ZNF407: variants seen among roughly 807,000 people sequenced by gnomAD.
ZNF407 encodes the protein zinc finger protein 407.
ZNF407 carries 17 observed loss-of-function variants against 131.2 expected under a neutral mutation model. The observed-to-expected ratio is 0.13, with a 90% CI of 0.09 to 0.19. ZNF407 has a LOEUF of 0.19. Ranked by LOEUF, ZNF407 falls within the 10% of genes least tolerant of loss-of-function variation. The pLI is 1.00. For missense variants in ZNF407, 2,681 were observed against 2,830.6 expected, an observed-to-expected ratio of 0.95 and a Z score of 1.20; for synonymous variants, 1,156 against 1,062.0, an observed-to-expected ratio of 1.09 and a Z score of -1.72.
intron 8 of ZNF407, among the ~76,000 whole-genome samples, chr18:74,950,735 A>G (rs968894478): frequency 1.3e-5 from 2 of 152,224 alleles, no homozygotes; most frequent in African/African-American, 4.8e-5. Context: ...TTTGGAATTA[A>G]GTTCTCTCTA....
chr18:74,802,582 A>C (rs954621526), intron 4 of ZNF407, among the ~76,000 whole-genome samples: 3 of 152,158 alleles, frequency 2.0e-5, no homozygotes, highest in Admixed American at 2.0e-4. Context: ...AGAAATTTCT[A>C]ATTTGCTTTG....
chr18:75,050,012 G>A (rs1048704783), intron 8 of ZNF407, among the ~76,000 whole-genome samples: 6 of 152,030 alleles, frequency 3.9e-5, no homozygotes, highest in Admixed American at 1.3e-4. Context: ...TTTTACTACC[G>A]ACTGCAGGAC....
intron 5 of ZNF407, 76 bp from the exon 6 acceptor site, chr18:74,880,960 A>T: frequency 8.1e-7 from 1 of 1,237,186 alleles, no homozygotes; most frequent in Non-Finnish European, 1.2e-6. Context: ...GGAATTAGTA[A>T]CCCTGAAAGC....
chr18:74,786,612 G>A (rs1969717502), intron 4 of ZNF407, among the ~76,000 whole-genome samples: 1 of 151,688 alleles, frequency 6.6e-6, no homozygotes, highest in South Asian at 2.1e-4. Flanking sequence ...TTCCATTCTG[G>A]GTTGCTTATT....
intron 3 of ZNF407, among the ~76,000 whole-genome samples, chr18:74,678,366 C>G (rs1023597051): frequency 3.3e-5 from 5 of 152,154 alleles, no homozygotes; most frequent in African/African-American, 1.2e-4. Context: ...GGGTTTCAAC[C>G]TAATGTACAT....
At chr18:74,599,735 A>G (rs970035225) in intron 1 of ZNF407, among the ~76,000 whole-genome samples, 14 of 152,108 alleles carry the variant, frequency 9.2e-5, no homozygotes, top group African/African-American at 3.4e-4. Flanking sequence ...AGAACTCGCT[A>G]ATCTTAATAA....
chr18:74,873,645 A>G (rs1971117410), intron 4 of ZNF407, among the ~76,000 whole-genome samples: 1 of 151,978 alleles, frequency 6.6e-6, no homozygotes, highest in South Asian at 2.1e-4. Context: ...GGAGGTCCTG[A>G]GGCTGCAGTG....
intron 3 of ZNF407, among the ~76,000 whole-genome samples, chr18:74,747,134 T>C (rs1305866484): frequency 7.3e-6 from 1 of 137,296 alleles, no homozygotes; most frequent in Non-Finnish European, 1.6e-5. Flanking sequence ...ATATTTTTCT[T>C]GCTCACATTC....
chr18:74,598,178 C>G (rs2144594011), intron 1 of ZNF407: 1 of 152,376 alleles, frequency 6.6e-6, no homozygotes, highest in Admixed American at 6.5e-5. Flanking sequence ...TTCGCTCACG[C>G]TGCCTCGCCG....
rs181564969 is a variant in ZNF407 at position 74,676,623 on chromosome 18, A to G, written c.4802+35501A>G. Among the ~76,000 whole-genome samples, 696 of 151,650 alleles carry G rather than the reference A, an allele frequency of 4.6e-3. 13 individuals carry two copies. The highest frequency in any genetic ancestry group is 0.017 in the East Asian group (88 of 5,098). ...GGGTAATTTTGTATTTTTAGTAGAG[A>G]CGGGGTTTCACCGTGTTAGCCAGGA... On this transcript the variant is annotated intron_variant, in intron 3 of 8. Transcript: ENST00000299687.
intron 8 of ZNF407, among the ~76,000 whole-genome samples, chr18:74,929,419 C>T (rs954622554): frequency 7.9e-5 from 12 of 151,864 alleles, no homozygotes; most frequent in African/African-American, 2.2e-4. Context: ...AATTGAAAAT[C>T]GTGATCTTAT....
At chr18:74,952,293 A>C (rs1972223430) in intron 8 of ZNF407, among the ~76,000 whole-genome samples, 1 of 152,202 alleles carries the variant, frequency 6.6e-6, no homozygotes, top group Non-Finnish European at 1.5e-5. Flanking sequence ...TGTGCTGGGC[A>C]CTGTGCTCTA....
At chr18:75,014,038 T>C (rs1474426933) in intron 8 of ZNF407, among the ~76,000 whole-genome samples, 1 of 152,058 alleles carries the variant, frequency 6.6e-6, no homozygotes, top group African/African-American at 2.4e-5. Flanking sequence ...GCCTTCAACT[T>C]CATGTAACTG....
At chr18:74,654,338 G>T (rs1373973892) in intron 3 of ZNF407, among the ~76,000 whole-genome samples, 1 of 151,690 alleles carries the variant, frequency 6.6e-6, no homozygotes, top group Non-Finnish European at 1.5e-5. Flanking sequence ...ATTTTTAATG[G>T]TTTTTCTGAC....
At chr18:74,621,125 TGTTTAATTTTGTGG>T (rs1438301497) in intron 1 of ZNF407, among the ~76,000 whole-genome samples, 23 of 152,316 alleles carry the variant, frequency 1.5e-4, no homozygotes, top group Admixed American at 1.0e-3. Flanking sequence ...TATTTTTTAA[TGTTTAATTTTGTGG>T]GTACATAGCA....
At chr18:74,880,930 C>A in intron 5 of ZNF407, 106 bp from the exon 6 acceptor site, 1 of 946,234 alleles carries the variant, frequency 1.1e-6, no homozygotes, top group Non-Finnish European at 1.6e-6. Context: ...GACATATTTA[C>A]ATGGAAACAT....
chr18:75,012,617 GC>G (rs1325800641), intron 8 of ZNF407, among the ~76,000 whole-genome samples: 2 of 151,614 alleles, frequency 1.3e-5, no homozygotes, highest in Non-Finnish European at 2.9e-5. Context: ...AAGCAGTTCT[GC>G]CCCCGTAATT....
intron 7 of ZNF407, among the ~76,000 whole-genome samples, chr18:74,910,675 C>A (rs889511073): frequency 6.6e-6 from 1 of 152,118 alleles, no homozygotes; most frequent in African/African-American, 2.4e-5. Context: ...AATTAATCGC[C>A]ACTTTCATTC....
At chr18:74,961,583 G>T (rs1972345410) in intron 8 of ZNF407, among the ~76,000 whole-genome samples, 1 of 152,006 alleles carries the variant, frequency 6.6e-6, no homozygotes, top group Admixed American at 6.5e-5. Flanking sequence ...AGCTGGGTGT[G>T]GTGACGCGTG....
Sources: gnomAD v4.1 joint callset for allele counts (sites outside exome capture counted in the v4.1 genomes callset) on GRCh38, gnomAD v4.1.1 for gene constraint, MANE v1.5 for transcripts, NCBI Gene and HGNC (gene_info 2026-07-23, HGNC 2026-07-21) for gene names.